PLEKHA8: variants seen among roughly 807,000 people sequenced by gnomAD.
PLEKHA8 encodes pleckstrin homology domain-containing family A member 8.
In PLEKHA8, 36 loss-of-function variants were observed where a neutral mutation model predicts 68.2. The observed-to-expected ratio is 0.53, with a 90% CI of 0.40 to 0.70. The LOEUF is 0.70. Ranked by LOEUF, PLEKHA8 falls within the 30% of genes least tolerant of loss-of-function variation. PLEKHA8 has a pLI of 0.00. For synonymous variants in PLEKHA8, 211 were observed against 216.1 expected, an observed-to-expected ratio of 0.98 and a Z score of 0.20; for missense variants, 505 against 615.4, an observed-to-expected ratio of 0.82 and a Z score of 1.90.
chr7:30,126,804 C>T (rs902313636), intron 13 of PLEKHA8, among the ~76,000 whole-genome samples: 8 of 152,132 alleles, frequency 5.3e-5, no homozygotes, highest in African/African-American at 1.7e-4. Context: ...TGTCAGATCT[C>T]GTGAGAGTTA....
intron 13 of PLEKHA8, among the ~76,000 whole-genome samples, chr7:30,103,074 AAAAG>A (rs1461220347): frequency 5.9e-5 from 9 of 152,204 alleles, no homozygotes; most frequent in South Asian, 2.1e-4. Context: ...GTCTTTAAAA[AAAAG>A]AAAGAGAGAG....
In PLEKHA8 at chr7:30,083,284, G is replaced by A. The variant is rs1450981013; in HGVS notation, c.*4497G>A. 6.1e-6 allele frequency: 6 copies of A among 984,084 alleles called. No homozygotes were observed. Among genetic ancestry groups the A allele is most frequent in the African/African-American group, 1.7e-5 (1 of 57,174 alleles). 61.0% of individuals were successfully genotyped at this position (984,084 alleles called of 1,614,324 possible). ...ACATTCTACTTCTGTATGTCCCTTT[G>A]TAATCCGCAGTTGCTTACTCAGGGG... On this transcript the variant is annotated 3_prime_UTR_variant, in exon 14 of 14. Transcript: ENST00000449726.
chr7:30,104,737 T>G (rs1349586664), intron 13 of PLEKHA8, among the ~76,000 whole-genome samples: 1 of 147,928 alleles, frequency 6.8e-6, no homozygotes, highest in Admixed American at 6.9e-5. Flanking sequence ...TTTTTTTTTT[T>G]TCTGAGGCAG....
downstream of PLEKHA8, among the ~76,000 whole-genome samples, chr7:30,086,128 A>G (rs1718533098): frequency 6.6e-6 from 1 of 152,188 alleles, no homozygotes; most frequent in South Asian, 2.1e-4. Context: ...CACACTGAAT[A>G]TAGGCAAATC....
chr7:30,084,115 G>A lies in PLEKHA8; in HGVS notation c.*5328G>A. 1.0e-6 allele frequency: 1 copy of A among 985,286 alleles called. No individual in the cohort carries two copies. The highest frequency in any genetic ancestry group is 1.2e-6 in the Non-Finnish European group (1 of 829,804). 61.0% of individuals were successfully genotyped at this position (985,286 alleles called of 1,614,324 possible). On this transcript the variant is annotated 3_prime_UTR_variant, in exon 14 of 14. Coordinates refer to ENST00000449726, the MANE Select transcript of PLEKHA8 (RefSeq NM_001197026.2). ...ACAATCTGTGTCAGATGAGAAATGTGTTCAGATAAATTTAATCTGGTTAAT... is the reference window on the plus strand; with the variant it reads ...ACAATCTGTGTCAGATGAGAAATGTATTCAGATAAATTTAATCTGGTTAAT...
At chr7:30,066,074 C>A (rs149181614) in intron 12 of PLEKHA8, among the ~76,000 whole-genome samples, 4 of 152,228 alleles carry the variant, frequency 2.6e-5, no homozygotes, top group African/African-American at 9.6e-5. Flanking sequence ...CACTTGTCTA[C>A]ATCTTGATAA....
At chr7:30,124,102 T>C (rs1327580605) in intron 13 of PLEKHA8, among the ~76,000 whole-genome samples, 2 of 152,180 alleles carry the variant, frequency 1.3e-5, no homozygotes, top group Non-Finnish European at 2.9e-5. Flanking sequence ...GAAATACAAC[T>C]GTGTGTGTGC....
At chr7:30,124,018 C>T (rs1215779173) in intron 13 of PLEKHA8, among the ~76,000 whole-genome samples, 1 of 152,170 alleles carries the variant, frequency 6.6e-6, no homozygotes, top group Non-Finnish European at 1.5e-5. Flanking sequence ...TCGTTGTAAA[C>T]AGATGTCAGC....
At chr7:30,071,086 C>T (rs1177218214) in intron 12 of PLEKHA8, among the ~76,000 whole-genome samples, 1 of 152,182 alleles carries the variant, frequency 6.6e-6, no homozygotes, top group African/African-American at 2.4e-5. Context: ...CTGTGGTTAT[C>T]TCTGGGAGAA....
chr7:30,116,229 T>C (rs1004244119), intron 13 of PLEKHA8, among the ~76,000 whole-genome samples: 4 of 149,570 alleles, frequency 2.7e-5, no homozygotes, highest in African/African-American at 7.6e-5. Context: ...TATATACGTA[T>C]ACATGTATGC....
Position 30,060,930 on chromosome 7 carries a change from T to C in PLEKHA8, c.1086T>C (p.Val362=). 1.2e-6 allele frequency: 2 copies of C among 1,613,476 alleles called. No individual in the cohort carries two copies. The highest frequency in any genetic ancestry group is 1.7e-6 in the Non-Finnish European group (2 of 1,179,648). The change falls in exon 10 of 14, where the codon GTT becomes GTC. Residue 362 remains valine (V), a synonymous_variant. Coordinates refer to ENST00000449726, the MANE Select transcript of PLEKHA8 (RefSeq NM_001197026.2). The stretch of plus-strand genomic sequence containing the variant: ...TTGCTCCTGTTAAGATGGATCTTGT[T>C]GGAAATATTAAGGTGAGCATACTGG... ...TVFAPVKMDL[V]GNIKKVNQKY...
chr7:30,081,618 A>G lies in PLEKHA8; in HGVS notation c.*2831A>G. On this transcript the variant is annotated 3_prime_UTR_variant, in exon 14 of 14. Coordinates refer to ENST00000449726, the MANE Select transcript of PLEKHA8 (RefSeq NM_001197026.2). Reference sequence around the variant, plus strand: ...TTCACCATTACTGTGAGAGGAGGTGAGAAAACTCTAGTATTTTGTTGGCAG... The same window carrying G: ...TTCACCATTACTGTGAGAGGAGGTGGGAAAACTCTAGTATTTTGTTGGCAG... The G allele has an allele frequency of 1.0e-6, 1 of 985,368 alleles. No individual in the cohort carries two copies. Among genetic ancestry groups the G allele is most frequent in the African/African-American group, 1.7e-5 (1 of 57,348 alleles). 61.0% of individuals were successfully genotyped at this position (985,368 alleles called of 1,614,324 possible).
chr7:30,044,814 G>T (rs1442366239), intron 1 of PLEKHA8, among the ~76,000 whole-genome samples: 1 of 152,206 alleles, frequency 6.6e-6, no homozygotes, highest in Non-Finnish European at 1.5e-5. Context: ...CTATTACCTA[G>T]AGAGTCATTA....
intron 1 of PLEKHA8, among the ~76,000 whole-genome samples, chr7:30,032,767 C>T (rs960370537): frequency 8.5e-5 from 13 of 152,306 alleles, no homozygotes; most frequent in Middle Eastern, 3.4e-3. Context: ...TGTTTTGCCA[C>T]GAGGAAATTT....
intron 13 of PLEKHA8, among the ~76,000 whole-genome samples, chr7:30,113,098 C>G (rs1275763585): frequency 6.6e-6 from 1 of 152,068 alleles, no homozygotes; most frequent in East Asian, 1.9e-4. Flanking sequence ...ATCATCATTA[C>G]TATTAGCAGT....
intron 9 of PLEKHA8, among the ~76,000 whole-genome samples, chr7:30,056,422 T>C (rs1433374281): frequency 3.5e-5 from 5 of 144,658 alleles, no homozygotes; most frequent in Non-Finnish European, 1.5e-5. Flanking sequence ...TACATATATA[T>C]GTAAATAAAT....
chr7:30,059,138 G>A (rs62446686), intron 9 of PLEKHA8, among the ~76,000 whole-genome samples: 24,222 of 152,198 alleles, frequency 0.16, 1,974 homozygotes, highest in Middle Eastern at 0.2. Flanking sequence ...AAAGCATTGA[G>A]TCTTCCAATC....
At chr7:30,097,922 T>A (rs561002111) in intron 13 of PLEKHA8, among the ~76,000 whole-genome samples, 1 of 152,284 alleles carries the variant, frequency 6.6e-6, no homozygotes, top group Non-Finnish European at 1.5e-5. Flanking sequence ...GAGTTTCTGG[T>A]TTTTCTGCTC....
chr7:30,078,135 A>G (rs1002526384), intron 13 of PLEKHA8, among the ~76,000 whole-genome samples: 1 of 152,168 alleles, frequency 6.6e-6, no homozygotes, highest in Non-Finnish European at 1.5e-5. Context: ...CTTATGGGGG[A>G]AAAATAGAAG....
Sources: allele counts gnomAD v4.1 joint callset (sites outside exome capture counted in the v4.1 genomes callset), GRCh38; gene constraint gnomAD v4.1.1; transcripts MANE v1.5; gene names NCBI Gene and HGNC (gene_info 2026-07-23, HGNC 2026-07-21).